Variants in LHFPL3 observed in about 807,000 individuals in gnomAD.
The protein encoded by LHFPL3 is LHFPL tetraspan subfamily member 3.
A neutral mutation model predicts 19.3 loss-of-function variants in LHFPL3; 5 were observed. The observed-to-expected ratio is 0.26, with a 90% CI of 0.14 to 0.54. The LOEUF is 0.54. Among genes scored for constraint, LHFPL3 ranks in the 20% least tolerant of loss-of-function variants. The probability of loss-of-function intolerance (pLI) is 0.94; values close to 1 mark genes in which losing one functional copy is unlikely to be tolerated. For synonymous variants in LHFPL3, 133 were observed against 126.2 expected (o/e 1.05, Z -0.36); for missense variants, 249 against 307.4 (o/e 0.81, Z 1.42).
chr7:104,694,000 A>G (rs1792954203), intron 1 of LHFPL3, among the ~76,000 whole-genome samples: 1 of 152,200 alleles, frequency 6.6e-6, no homozygotes, highest in South Asian at 2.1e-4. Context: ...ACAGAGTAAT[A>G]CATTTATGTT....
chr7:104,686,875 A>T (rs10244859), intron 1 of LHFPL3, among the ~76,000 whole-genome samples: 75,227 of 152,030 alleles, frequency 0.49, 19,123 homozygotes, highest in East Asian at 0.59. Flanking sequence ...GTCCTTTTTC[A>T]CATGTCACCA....
intron 1 of LHFPL3, among the ~76,000 whole-genome samples, chr7:104,382,453 A>G (rs1174678210): frequency 1.3e-5 from 2 of 152,178 alleles, no homozygotes; most frequent in Admixed American, 6.5e-5. Flanking sequence ...CTTTTGATAC[A>G]TGCTCAAGTT....
intron 2 of LHFPL3, among the ~76,000 whole-genome samples, chr7:104,771,428 TGCTCAGG>T (rs942885898): frequency 5.9e-5 from 9 of 152,174 alleles, no homozygotes; most frequent in Admixed American, 1.3e-4. Context: ...AGCATCTGTC[TGCTCAGG>T]GCTCAGGGCT....
At chr7:104,554,570 A>G (rs185540352) in intron 1 of LHFPL3, among the ~76,000 whole-genome samples, 2 of 152,264 alleles carry the variant, frequency 1.3e-5, no homozygotes, top group Non-Finnish European at 2.9e-5. Context: ...GTATTAGGAG[A>G]TGGGGCCTTG....
Position 104,406,993 on chromosome 7 carries a change from C to A in LHFPL3, c.445+77769C>A, listed in dbSNP as rs559739375. The stretch of plus-strand genomic sequence containing the variant: ...GTTAGATCCCTGCTTGTCCACTTAC[C>A]AGCTACTTGATTTGGGGCACCACAG... On this transcript the variant is annotated intron_variant, in intron 1 of 2. Coordinates refer to ENST00000424859, the MANE Select transcript of LHFPL3 (RefSeq NM_199000.3). Among the ~76,000 whole-genome samples the A allele has an allele frequency of 8.5e-5, 13 of 152,268 alleles. No homozygotes were observed. The South Asian group carries it at 1.9e-3, about 22-fold the overall frequency.
chr7:104,585,287 TA>T (rs1790544723), intron 1 of LHFPL3, among the ~76,000 whole-genome samples: 1 of 152,066 alleles, frequency 6.6e-6, no homozygotes, highest in Non-Finnish European at 1.5e-5. Flanking sequence ...AAAACCTCCT[TA>T]TAACCAACTA....
chr7:104,739,267 G>A (rs1793887015), intron 2 of LHFPL3, among the ~76,000 whole-genome samples: 1 of 152,112 alleles, frequency 6.6e-6, no homozygotes, highest in African/African-American at 2.4e-5. Context: ...AGTCTTTATT[G>A]TTTGGTATTA....
At chr7:104,661,914 T>C (rs907483817) in intron 1 of LHFPL3, among the ~76,000 whole-genome samples, 1 of 152,140 alleles carries the variant, frequency 6.6e-6, no homozygotes, top group Non-Finnish European at 1.5e-5. Context: ...TTAAGTAAAA[T>C]AAGGGTTCCT....
At chr7:104,369,019 C>T (rs1013628581) in intron 1 of LHFPL3, among the ~76,000 whole-genome samples, 4 of 152,140 alleles carry the variant, frequency 2.6e-5, no homozygotes, top group African/African-American at 9.7e-5. Context: ...TTCAGGGTCT[C>T]TCCGGGAGAC....
intron 1 of LHFPL3, among the ~76,000 whole-genome samples, chr7:104,545,832 TC>T (rs1453788325): frequency 1.3e-5 from 2 of 152,190 alleles, no homozygotes; most frequent in African/African-American, 4.8e-5. Flanking sequence ...CTATCAGTCT[TC>T]ATGGGTCAGC....
chr7:104,738,458 G>A (rs1241600620), intron 2 of LHFPL3: 1 of 152,124 alleles, frequency 6.6e-6, no homozygotes, highest in Non-Finnish European at 1.5e-5. Flanking sequence ...TTGTTCTGCA[G>A]ATTATGATTT....
intron 2 of LHFPL3, among the ~76,000 whole-genome samples, chr7:104,843,391 T>A (rs952510891): frequency 2.0e-5 from 3 of 152,216 alleles, no homozygotes; most frequent in Admixed American, 2.0e-4. Flanking sequence ...CCCTCTGTGT[T>A]TCAGGGAGCC....
chr7:104,647,383 A>G (rs1045455869), intron 1 of LHFPL3, among the ~76,000 whole-genome samples: 1 of 152,230 alleles, frequency 6.6e-6, no homozygotes, highest in Admixed American at 6.5e-5. Context: ...CTGACTGAGA[A>G]AAGTATTCAT....
intron 1 of LHFPL3, among the ~76,000 whole-genome samples, chr7:104,589,892 A>G (rs1790670930): frequency 6.6e-6 from 1 of 152,084 alleles, no homozygotes; most frequent in Non-Finnish European, 1.5e-5. Context: ...TTTCTAGGTT[A>G]TTTGTGTAGA....
In LHFPL3 at chr7:104,672,087, G is replaced by GTGTA. The variant is rs776836530; in HGVS notation, c.446-64587_446-64586insGTAT. Among the ~76,000 whole-genome samples the GTGTA allele has an allele frequency of 1.2e-3, 172 of 147,614 alleles. 1 individual carries two copies. The highest frequency in any genetic ancestry group is 3.6e-3 in the African/African-American group (147 of 40,290). Reference sequence around the variant, plus strand: ...TGTGTGTGTGTGTGTGTGTGTGTGTGTTTGCAATGGTTGCTTATGTAAATT... The same window carrying GTGTA: ...TGTGTGTGTGTGTGTGTGTGTGTGTGTGTATTTGCAATGGTTGCTTATGTAAATT... On this transcript the variant is annotated intron_variant, in intron 1 of 2. Coordinates refer to ENST00000424859, the MANE Select transcript of LHFPL3 (RefSeq NM_199000.3).
At chr7:104,825,863 G>C (rs763800198) in intron 2 of LHFPL3, among the ~76,000 whole-genome samples, 11 of 152,012 alleles carry the variant, frequency 7.2e-5, no homozygotes, top group Non-Finnish European at 1.2e-4. Context: ...AGTTGAGTTA[G>C]CTCTCTTTAA....
chr7:104,754,650 A>G (rs188758821), intron 2 of LHFPL3, among the ~76,000 whole-genome samples: 2 of 152,380 alleles, frequency 1.3e-5, no homozygotes, highest in Admixed American at 1.3e-4. Flanking sequence ...TATTCAATAA[A>G]TGTTAGCAAT....
intron 1 of LHFPL3, among the ~76,000 whole-genome samples, chr7:104,341,808 G>A (rs576652928): frequency 5.3e-5 from 8 of 152,274 alleles, no homozygotes; most frequent in African/African-American, 1.9e-4. Context: ...TACAGGGTCA[G>A]GTCCAGACTC....
chr7:104,346,461 T>G (rs1790067642), intron 1 of LHFPL3, among the ~76,000 whole-genome samples: 1 of 152,066 alleles, frequency 6.6e-6, no homozygotes, highest in Non-Finnish European at 1.5e-5. Context: ...AAGTACCAAG[T>G]CACCACTTTG....
Sources: gnomAD v4.1 joint callset for allele counts (sites outside exome capture counted in the v4.1 genomes callset) on GRCh38, gnomAD v4.1.1 for gene constraint, MANE v1.5 for transcripts, NCBI Gene and HGNC (gene_info 2026-07-23, HGNC 2026-07-21) for gene names.